REV3L: variants seen among roughly 807,000 people sequenced by gnomAD.
REV3L encodes REV3 like, DNA directed polymerase zeta catalytic subunit, also known as DNA polymerase zeta catalytic subunit.
A neutral mutation model predicts 299.4 loss-of-function variants in REV3L; 69 were observed. The observed-to-expected ratio is 0.23, with a 90% CI of 0.19 to 0.28. The LOEUF (loss-of-function observed/expected upper bound fraction) is 0.28. Ranked by LOEUF, REV3L falls within the 10% of genes least tolerant of loss-of-function variation. REV3L has a pLI of 1.00. For missense variants in REV3L, 3,128 were observed against 3,693.8 expected (o/e 0.85, Z 3.97); for synonymous variants, 1,238 against 1,271.4 (o/e 0.97, Z 0.56).
intron 29 of REV3L, chr6:111,310,804 T>A: frequency 2.8e-6 from 1 of 352,790 alleles, no homozygotes; most frequent in East Asian, 4.4e-5. Context: ...GACTACCTAG[T>A]GATTTTGATG....
intron 1 of REV3L, among the ~76,000 whole-genome samples, 198 bp downstream of exon 1, chr6:111,482,552 G>C (rs1793877493): frequency 6.6e-6 from 1 of 151,852 alleles, no homozygotes. Flanking sequence ...GCGCCGCGCA[G>C]CGCTCGCGCG....
chr6:111,441,354 G>A (rs975620922), intron 1 of REV3L, among the ~76,000 whole-genome samples: 1 of 152,084 alleles, frequency 6.6e-6, no homozygotes, highest in Admixed American at 6.6e-5. Context: ...ATGGGCTCAG[G>A]CAATTCTCCC....
intron 1 of REV3L, among the ~76,000 whole-genome samples, chr6:111,451,161 A>C (rs1789493725): frequency 6.6e-6 from 1 of 152,196 alleles, no homozygotes; most frequent in African/African-American, 2.4e-5. Flanking sequence ...GGGGAAAGGG[A>C]CCAAGTAATG....
rs112314827 is a variant in REV3L at position 111,432,989 on chromosome 6, C to A, written c.140-16517G>T. Among the ~76,000 whole-genome samples, 4 of 152,116 alleles carry A rather than the reference C, an allele frequency of 2.6e-5. No individual in the cohort carries two copies. In the East Asian group the frequency reaches 7.7e-4, roughly 29 times the overall value. On this transcript the variant is annotated intron_variant, in intron 1 of 31. Transcript: ENST00000368802. Reference sequence around the variant, plus strand: ...AATTAAGAAGGAAATTTAAAAATTTCTTGAAACCAAAGGAAATGAAAACAC... The same window carrying A: ...AATTAAGAAGGAAATTTAAAAATTTATTGAAACCAAAGGAAATGAAAACAC...
Position 111,315,366 on chromosome 6 carries a change from C to A in REV3L, c.8367G>T (p.Leu2789=), listed in dbSNP as rs3218577. 1.7e-5 allele frequency: 28 copies of A among 1,613,574 alleles called. No homozygotes were observed. The highest frequency in any genetic ancestry group is 2.4e-5 in the Non-Finnish European group (28 of 1,179,786). ...YGDTDSMFVL[L]KGATKEQSFK... ...AAGACTGCTCCTTAGTGGCTCCTTT[C>A]AGTAGCACAAACATACTAAGGGGAT... The change falls in exon 27 of 32, where the codon CTG becomes CTT. Residue 2789 remains leucine (L), a synonymous_variant. Transcript: ENST00000368802.
intron 25 of REV3L, among the ~76,000 whole-genome samples, chr6:111,329,007 T>C (rs1408312814): frequency 6.6e-6 from 1 of 152,200 alleles, no homozygotes. Context: ...GCTCAAGTAA[T>C]CCACATGCCT....
chr6:111,420,489 C>T lies in REV3L; in HGVS notation c.140-4017G>A, dbSNP rs944210197. 2.6e-5 allele frequency among the ~76,000 whole-genome samples: 4 copies of T among 152,298 alleles called. No homozygotes were observed. The South Asian group carries it at 6.2e-4, about 24-fold the overall frequency. On this transcript the variant is annotated intron_variant, in intron 1 of 31. Coordinates refer to ENST00000368802, the MANE Select transcript of REV3L (RefSeq NM_001372078.1). ...CATCATGTCTAGTTGAAACTTCATA[C>T]TCTTTAAACAACAACTCCCCTTCCC...
At position 111,375,934 on chromosome 6, in the gene REV3L, A is replaced by G. The variant is rs1447577711; in HGVS notation, c.2421T>C (p.Cys807=). The change falls in exon 13 of 32, where the codon TGT becomes TGC. Residue 807 remains cysteine (C), a synonymous_variant. Coordinates refer to ENST00000368802, the MANE Select transcript of REV3L (RefSeq NM_001372078.1). ...MFFPSVVLSN[C]LTRPQKLSPV... is the part of the protein sequence containing the mutation. ...GAGATAGTTTCTGTGGTCTAGTAAG[A>G]CAGTTAGAAAGAACAACACTGGGAA... 1 of 1,614,018 alleles carries G rather than the reference A, an allele frequency of 6.2e-7. No homozygotes were observed. Among genetic ancestry groups the G allele is most frequent in the Admixed American group, 1.7e-5 (1 of 60,016 alleles).
intron 9 of REV3L, among the ~76,000 whole-genome samples, chr6:111,384,800 C>T (rs1781181579): frequency 6.6e-6 from 1 of 152,160 alleles, no homozygotes; most frequent in South Asian, 2.1e-4. Context: ...TCTGCACTCC[C>T]ATGTTTATCA....
chr6:111,364,064 T>C (rs1402795735), intron 15 of REV3L, 86 bp from the exon 16 acceptor site: 4 of 1,504,278 alleles, frequency 2.7e-6, no homozygotes, highest in Admixed American at 4.4e-5. Context: ...TCAGATAATA[T>C]GCTTTATGTG....
intron 9 of REV3L, among the ~76,000 whole-genome samples, chr6:111,381,795 C>A (rs1399511187): frequency 6.6e-6 from 1 of 151,990 alleles, no homozygotes; most frequent in African/African-American, 2.4e-5. Context: ...ATTCTTTATT[C>A]TCTATGGTTC....
At chr6:111,359,137 G>A in intron 16 of REV3L, 123 bp from the exon 17 acceptor site, 1 of 706,248 alleles carries the variant, frequency 1.4e-6, no homozygotes, top group Non-Finnish European at 2.2e-6. Context: ...AAAGGACAAA[G>A]TCACAGCTCA....
chr6:111,307,041 T>C, intron 31 of REV3L, among the ~76,000 whole-genome samples: 1 of 152,310 alleles, frequency 6.6e-6, no homozygotes, highest in East Asian at 1.9e-4. Flanking sequence ...CTTTCAGTTT[T>C]GGAGCATTTT....
At chr6:111,457,153 A>T (rs867527519) in intron 1 of REV3L, among the ~76,000 whole-genome samples, 35 of 152,174 alleles carry the variant, frequency 2.3e-4, no homozygotes, top group Non-Finnish European at 1.8e-4. Flanking sequence ...ATTGTACTGT[A>T]CCTCAAGTCT....
chr6:111,387,959 G>A, intron 8 of REV3L, 42 bp downstream of exon 8: 1 of 1,606,358 alleles, frequency 6.2e-7, no homozygotes, highest in South Asian at 1.1e-5. Flanking sequence ...CATAACAAAG[G>A]AATAAAATTA....
At chr6:111,371,190 C>T (rs1242315295) in intron 13 of REV3L, among the ~76,000 whole-genome samples, 3 of 152,152 alleles carry the variant, frequency 2.0e-5, no homozygotes, top group African/African-American at 7.2e-5. Context: ...GACACAAGGG[C>T]AGGAACAAGA....
chr6:111,303,525 C>G (rs1771855097), intron 31 of REV3L, among the ~76,000 whole-genome samples: 1 of 151,466 alleles, frequency 6.6e-6, no homozygotes, highest in East Asian at 1.9e-4. Context: ...TGCCACCATA[C>G]CCTGCTAATT....
chr6:111,359,520 GAAAA>G (rs371680267), intron 16 of REV3L, among the ~76,000 whole-genome samples: 1 of 102,590 alleles, frequency 9.7e-6, no homozygotes, highest in South Asian at 3.4e-4. Flanking sequence ...AGTTTTTCCT[GAAAA>G]AAAAAAAAAA....
rs768865940 is a variant in REV3L, at chr6:111,372,992, A to C, written c.5363T>G (p.Leu1788Arg). 2 of 1,614,148 alleles carry C rather than the reference A, an allele frequency of 1.2e-6. No individual in the cohort carries two copies. The highest frequency in any genetic ancestry group is 2.2e-5 in the South Asian group (2 of 91,078). The change falls in exon 13 of 32, where the codon CTT (leucine) becomes CGT (arginine). Residue 1788 changes from leucine to arginine, a missense_variant. Physicochemically the swap from Leu to Arg is moderately radical, Grantham distance 102. Transcript: ENST00000368802. ...TGAATTGTTTGGCTGTGGGAGGCTA[A>C]GAAACACTTCTTTGCTTACTGAACT... Reference protein sequence around the residue: ...NRSSVSKEVFLSLPQPNNSDW... With the variant: ...NRSSVSKEVFRSLPQPNNSDW...
Sources: gnomAD v4.1 joint callset for allele counts (sites outside exome capture counted in the v4.1 genomes callset) on GRCh38, gnomAD v4.1.1 for gene constraint, MANE v1.5 for transcripts, NCBI Gene and HGNC (gene_info 2026-07-23, HGNC 2026-07-21) for gene names.